Variants in XRRA1 observed in about 807,000 individuals in gnomAD.
XRRA1 encodes the protein X-ray radiation resistance-associated protein 1.
XRRA1 carries 69 observed loss-of-function variants against 80.2 expected under a neutral mutation model. The ratio of observed to expected loss-of-function variants is 0.86; its 90% CI spans 0.71 to 1.05. The LOEUF is 1.05. XRRA1 is among the 50% of genes least tolerant of loss of function. XRRA1 has a pLI of 0.00. For missense variants in XRRA1, 967 were observed against 976.4 expected, an observed-to-expected ratio of 0.99 and a Z score of 0.13; for synonymous variants, 348 against 389.9, an observed-to-expected ratio of 0.89 and a Z score of 1.27.
intron 10 of XRRA1, among the ~76,000 whole-genome samples, chr11:74,869,553 A>G (rs1278784050): frequency 6.6e-6 from 1 of 152,198 alleles, no homozygotes. Context: ...TGGAGGCTCC[A>G]TCTTTTCTTT....
Position 74,940,693 on chromosome 11 carries a change from T to G in XRRA1, c.94+92A>C, listed in dbSNP as rs1016276180. On this transcript the variant is annotated intron_variant, in intron 3 of 18. Transcript: ENST00000684022. Reference sequence around the variant, plus strand: ...GATTAGGTAGAGCAGGGAACAGTAGTGAAGGGGTTGGAGAAGAACAAGTAG... The same window carrying G: ...GATTAGGTAGAGCAGGGAACAGTAGGGAAGGGGTTGGAGAAGAACAAGTAG... 16 of 1,026,066 alleles carry G rather than the reference T, an allele frequency of 1.6e-5. No homozygotes were observed. In the African/African-American group the frequency reaches 2.4e-4, roughly 15 times the overall value. 63.6% of individuals were successfully genotyped at this position (1,026,066 alleles called of 1,614,324 possible).
At position 74,915,001 on chromosome 11, in the gene XRRA1, A is replaced by G. The variant is rs79044180; in HGVS notation, c.656+6213T>C. 3.9e-4 allele frequency among the ~76,000 whole-genome samples: 60 copies of G among 152,346 alleles called. 1 individual carries two copies. Among genetic ancestry groups the G allele is most frequent in the African/African-American group, 1.4e-3 (59 of 41,578 alleles). On this transcript the variant is annotated intron_variant, in intron 8 of 18. Coordinates refer to ENST00000684022, the MANE Select transcript of XRRA1 (RefSeq NM_001378157.1). ...CCTGTGGCCATCTAATATAGGAAGA[A>G]AAACCTCTAGCTTGGTTTACAAATG...
chr11:74,900,776 C>G (rs975486513), intron 10 of XRRA1, among the ~76,000 whole-genome samples: 5 of 152,092 alleles, frequency 3.3e-5, no homozygotes, highest in Admixed American at 2.6e-4. Context: ...TAAAAACCCT[C>G]AAAAAACTAG....
chr11:74,892,257 T>C (rs904369608), intron 10 of XRRA1, among the ~76,000 whole-genome samples: 1 of 152,154 alleles, frequency 6.6e-6, no homozygotes, highest in African/African-American at 2.4e-5. Flanking sequence ...GCTGCATATC[T>C]ACAACCATCT....
intron 10 of XRRA1, among the ~76,000 whole-genome samples, chr11:74,903,285 G>C (rs2053925838): frequency 6.6e-6 from 1 of 152,188 alleles, no homozygotes; most frequent in Non-Finnish European, 1.5e-5. Flanking sequence ...ATGTTCACAA[G>C]GTTGTTCATT....
At position 74,912,360 on chromosome 11, in the gene XRRA1, G is replaced by A. The variant is rs527813799; in HGVS notation, c.657-5087C>T. Among the ~76,000 whole-genome samples the A allele has an allele frequency of 9.2e-5, 14 of 152,292 alleles. No individual in the cohort carries two copies. The East Asian group carries it at 2.7e-3, about 29-fold the overall frequency. On this transcript the variant is annotated intron_variant, in intron 8 of 18. Coordinates refer to ENST00000684022, the MANE Select transcript of XRRA1 (RefSeq NM_001378157.1). ...ATTTGAAAAAAGAAGGAAATCCAAA[G>A]GGGTTCATGCAACACTTTTCCCCTA...
chr11:74,845,180 A>G lies in XRRA1; in HGVS notation c.1820T>C (p.Val607Ala). 1 of 1,613,706 alleles carries G rather than the reference A, an allele frequency of 6.2e-7. No individual in the cohort carries two copies. The change falls in exon 16 of 19, where the codon GTG (valine) becomes GCG (alanine). Residue 607 changes from valine (V) to alanine (A), a missense_variant. Coordinates refer to ENST00000684022, the MANE Select transcript of XRRA1 (RefSeq NM_001378157.1). ...TGGGAGTTTCCTCCGAGTCCCTTTCACCTCTCTGGGTGCCGTTGGTGGTTT... is the reference window on the plus strand; with the variant it reads ...TGGGAGTTTCCTCCGAGTCCCTTTCGCCTCTCTGGGTGCCGTTGGTGGTTT... The part of the protein sequence containing the change: ...QKKPPTAPRE[V>A]KGTRRKLPTA...
intron 10 of XRRA1, among the ~76,000 whole-genome samples, chr11:74,880,054 T>G (rs1015634569): frequency 2.9e-4 from 44 of 152,182 alleles, no homozygotes; most frequent in African/African-American, 9.6e-4. Context: ...TAGTTCCTCC[T>G]TGTACCTCTG....
intron 4 of XRRA1, 88 bp from the exon 5 acceptor site, chr11:74,933,960 CAT>C: frequency 8.8e-7 from 1 of 1,134,380 alleles, no homozygotes. Flanking sequence ...GTTGGGCAAT[CAT>C]ATACTTGTCA....
intron 15 of XRRA1, among the ~76,000 whole-genome samples, chr11:74,847,231 T>C (rs1374201537): frequency 6.6e-6 from 1 of 152,192 alleles, no homozygotes; most frequent in Non-Finnish European, 1.5e-5. Flanking sequence ...AAGTCATCTG[T>C]GGAAAAAGAA....
At chr11:74,902,817 C>CA (rs1317760219) in intron 10 of XRRA1, among the ~76,000 whole-genome samples, 5 of 150,780 alleles carry the variant, frequency 3.3e-5, no homozygotes, top group Admixed American at 6.6e-5. Context: ...TTAATTGATA[C>CA]AAAAAAAATA....
intron 7 of XRRA1, among the ~76,000 whole-genome samples, chr11:74,925,506 C>A (rs755054819): frequency 7.3e-5 from 11 of 151,462 alleles, no homozygotes; most frequent in Non-Finnish European, 1.3e-4. Flanking sequence ...GTTTATACTT[C>A]TTCTTAGGGA....
At chr11:74,928,532 A>T (rs1000483507) in intron 6 of XRRA1, among the ~76,000 whole-genome samples, 2 of 152,194 alleles carry the variant, frequency 1.3e-5, no homozygotes, top group African/African-American at 4.8e-5. Context: ...CTGAGCTGAC[A>T]CTGGGGGCCA....
At chr11:74,938,520 G>T (rs142654965) in intron 3 of XRRA1, among the ~76,000 whole-genome samples, 1 of 152,162 alleles carries the variant, frequency 6.6e-6, no homozygotes, top group African/African-American at 2.4e-5. Context: ...ACTTATTCTA[G>T]TATCTGTGAT....
chr11:74,863,230 C>G (rs2042686438), intron 10 of XRRA1: 2 of 606,824 alleles, frequency 3.3e-6, no homozygotes. Flanking sequence ...GGATAAAATA[C>G]AAACTGCTTA....
chr11:74,869,150 ACT>A (rs1231016084), intron 10 of XRRA1, among the ~76,000 whole-genome samples: 12 of 152,078 alleles, frequency 7.9e-5, no homozygotes, highest in Non-Finnish European at 1.5e-5. Flanking sequence ...TACTAACCAC[ACT>A]CTTGGAGCAC....
intron 10 of XRRA1, among the ~76,000 whole-genome samples, chr11:74,865,408 A>G (rs2043190595): frequency 6.6e-6 from 1 of 152,214 alleles, no homozygotes; most frequent in African/African-American, 2.4e-5. Flanking sequence ...CCTCTGTTCC[A>G]CAGCAGATCC....
intron 1 of XRRA1, among the ~76,000 whole-genome samples, chr11:74,947,628 G>C (rs1009771540): frequency 1.3e-5 from 2 of 152,164 alleles, no homozygotes; most frequent in South Asian, 2.1e-4. Context: ...AGTTGTAAAA[G>C]ATAAACTGCA....
chr11:74,928,538 G>A (rs567599525), intron 6 of XRRA1, among the ~76,000 whole-genome samples: 1 of 152,290 alleles, frequency 6.6e-6, no homozygotes, highest in East Asian at 1.9e-4. Flanking sequence ...TGACACTGGG[G>A]GCCAGATGGA....
Sources: allele counts gnomAD v4.1 joint callset (sites outside exome capture counted in the v4.1 genomes callset), GRCh38; gene constraint gnomAD v4.1.1; transcripts MANE v1.5; gene names NCBI Gene and HGNC (gene_info 2026-07-23, HGNC 2026-07-21).